The following CREBBP variants were observed in gnomAD, a reference collection of about 807,000 sequenced individuals.
CREBBP encodes the protein CREB-binding protein.
CREBBP carries 19 observed loss-of-function variants against 265.0 expected under a neutral mutation model. The observed-to-expected ratio is 0.07, with a 90% CI of 0.05 to 0.11. CREBBP has a LOEUF of 0.11. Ranked by LOEUF, CREBBP falls within the 10% of genes least tolerant of loss-of-function variation. CREBBP has a pLI of 1.00. For synonymous variants in CREBBP, 1,457 were observed against 1,223.7 expected (o/e 1.19, Z -3.98); for missense variants, 2,525 against 3,219.0 (o/e 0.78, Z 5.22).
At chr16:3,818,365 T>C (rs1304414260) in intron 2 of CREBBP, among the ~76,000 whole-genome samples, 2 of 147,560 alleles carry the variant, frequency 1.4e-5, no homozygotes, top group African/African-American at 2.5e-5. Context: ...TGGAGTGTAG[T>C]GGCACCGTCC....
intron 20 of CREBBP, 90 bp downstream of exon 20, chr16:3,751,636 C>T (rs879710540): frequency 1.4e-5 from 18 of 1,296,410 alleles, no homozygotes; most frequent in South Asian, 7.1e-5. Context: ...AAAATGGCAC[C>T]GGTACCTTCC....
intron 14 of CREBBP, among the ~76,000 whole-genome samples, chr16:3,770,176 G>C (rs975189918): frequency 1.3e-5 from 2 of 149,912 alleles, no homozygotes; most frequent in African/African-American, 4.9e-5. Context: ...AGCCTCAATG[G>C]AGTTTTAAGT....
chr16:3,748,196 T>G (rs2052390156), intron 21 of CREBBP, among the ~76,000 whole-genome samples: 1 of 151,668 alleles, frequency 6.6e-6, no homozygotes, highest in Non-Finnish European at 1.5e-5. Context: ...GAGAATTGCT[T>G]GAATCTGGGA....
chr16:3,780,568 A>T (rs2053250606), intron 8 of CREBBP, among the ~76,000 whole-genome samples, 164 bp downstream of exon 8: 1 of 152,178 alleles, frequency 6.6e-6, no homozygotes, highest in Admixed American at 6.5e-5. Context: ...AGAGTGTGGG[A>T]ATCTCTGGCC....
At chr16:3,784,138 A>G (rs1343802893) in intron 5 of CREBBP, among the ~76,000 whole-genome samples, 1 of 152,224 alleles carries the variant, frequency 6.6e-6, no homozygotes, top group Non-Finnish European at 1.5e-5. Context: ...ATAAAACACG[A>G]CCACAAAGCC....
intron 1 of CREBBP, among the ~76,000 whole-genome samples, chr16:3,852,713 A>C (rs1359925522): frequency 2.0e-5 from 3 of 152,216 alleles, no homozygotes; most frequent in Non-Finnish European, 4.4e-5. Flanking sequence ...AGACATAAGC[A>C]GGTCTTCACC....
At chr16:3,787,210 C>T (rs760424681) in intron 5 of CREBBP, among the ~76,000 whole-genome samples, 1 of 152,168 alleles carries the variant, frequency 6.6e-6, no homozygotes, top group Admixed American at 6.5e-5. Context: ...CGTGGGGCAC[C>T]ACAGTGAAGA....
intron 2 of CREBBP, among the ~76,000 whole-genome samples, chr16:3,816,420 A>G (rs1221922481): frequency 2.0e-5 from 3 of 152,240 alleles, no homozygotes; most frequent in Non-Finnish European, 4.4e-5. Context: ...GTGAAACTGG[A>G]TTAGCCTTAA....
chr16:3,803,406 G>A (rs1432194427), intron 3 of CREBBP, among the ~76,000 whole-genome samples: 3 of 151,862 alleles, frequency 2.0e-5, no homozygotes, highest in South Asian at 2.1e-4. Flanking sequence ...TCGGAAGGCT[G>A]AGGCAGGAGA....
chr16:3,760,065 A>AT (rs1213105584), intron 16 of CREBBP, among the ~76,000 whole-genome samples: 4 of 152,038 alleles, frequency 2.6e-5, no homozygotes, highest in Non-Finnish European at 5.9e-5. Context: ...TAAGTGATGT[A>AT]TTTTTTCTTG....
rs947031647 is a variant in CREBBP at position 3,747,609 on chromosome 16, C to T, written c.3836+2018G>A. Among the ~76,000 whole-genome samples the T allele has an allele frequency of 2.0e-5, 3 of 152,330 alleles. No homozygotes were observed. In the South Asian group the frequency reaches 6.2e-4, roughly 32 times the overall value. On this transcript the variant is annotated intron_variant, in intron 21 of 30. Coordinates refer to ENST00000262367, the MANE Select transcript of CREBBP (RefSeq NM_004380.3). ...CAGGAAGGAGACCCCTTCACTCATC[C>T]ATGTGTTCCCTCTGCCTGGCACCTA...
intron 1 of CREBBP, among the ~76,000 whole-genome samples, chr16:3,862,665 T>C (rs898450635): frequency 7.2e-5 from 11 of 152,162 alleles, no homozygotes; most frequent in African/African-American, 2.7e-4. Flanking sequence ...TCCTACTGTA[T>C]CAGATCCACA....
Position 3,727,913 on chromosome 16 carries a change from G to C in CREBBP, c.7134C>G (p.Pro2378=), listed in dbSNP as rs779141820. Residue 2378 remains proline, a synonymous_variant, in exon 31 of 31, where the codon CCC becomes CCG. Coordinates refer to ENST00000262367, the MANE Select transcript of CREBBP (RefSeq NM_004380.3). ...QPQPSPHHVS[P]QTGSPHPGLA... ...GTCCGGGGTGGGGGGAACCAGTCTG[G>C]GGTGAGACGTGGTGTGGCGAAGGCT... 1.2e-6 allele frequency: 2 copies of C among 1,612,040 alleles called. No individual in the cohort carries two copies. Among genetic ancestry groups the C allele is most frequent in the South Asian group, 1.1e-5 (1 of 90,882 alleles).
At chr16:3,839,823 GAAA>G (rs1271950004) in intron 2 of CREBBP, among the ~76,000 whole-genome samples, 1 of 150,946 alleles carries the variant, frequency 6.6e-6, no homozygotes, top group Non-Finnish European at 1.5e-5. Flanking sequence ...AGAAAGGAAA[GAAA>G]GAAAGAGAAG....
chr16:3,835,622 T>C (rs28733062), intron 2 of CREBBP, among the ~76,000 whole-genome samples: 4 of 142,134 alleles, frequency 2.8e-5, no homozygotes, highest in Non-Finnish European at 4.5e-5. Context: ...CTCTGTCGCC[T>C]AGGCTGGAGT....
At chr16:3,764,294 T>A (rs1477416003) in intron 16 of CREBBP, among the ~76,000 whole-genome samples, 1 of 152,016 alleles carries the variant, frequency 6.6e-6, no homozygotes. Flanking sequence ...TCTTTATTTT[T>A]AAGACAGGGT....
At chr16:3,836,155 G>C (rs1237953560) in intron 2 of CREBBP, among the ~76,000 whole-genome samples, 1 of 152,006 alleles carries the variant, frequency 6.6e-6, no homozygotes, top group African/African-American at 2.4e-5. Flanking sequence ...GAAATTAGCA[G>C]CTGGGCGCGG....
intron 2 of CREBBP, among the ~76,000 whole-genome samples, chr16:3,827,332 T>A (rs371467235): frequency 6.6e-6 from 1 of 152,200 alleles, no homozygotes; most frequent in Admixed American, 6.5e-5. Flanking sequence ...ATCAAACCTT[T>A]CCTTGCTACC....
At chr16:3,793,876 C>G (rs1297934937) in intron 3 of CREBBP, among the ~76,000 whole-genome samples, 2 of 152,154 alleles carry the variant, frequency 1.3e-5, no homozygotes, top group African/African-American at 4.8e-5. Context: ...ATGGCTGGCT[C>G]TTCACTGTAG....
Sources: allele counts gnomAD v4.1 joint callset (sites outside exome capture counted in the v4.1 genomes callset), GRCh38; gene constraint gnomAD v4.1.1; transcripts MANE v1.5; gene names NCBI Gene and HGNC (gene_info 2026-07-23, HGNC 2026-07-21).